Variants in PWWP2B observed in about 807,000 individuals in gnomAD.
The protein encoded by PWWP2B is PWWP domain containing 2B.
A neutral mutation model predicts 15.5 loss-of-function variants in PWWP2B; 9 were observed. That is an observed-to-expected ratio of 0.58 (90% CI 0.35 to 1.02). PWWP2B has a LOEUF of 1.02. PWWP2B is among the 50% of genes least tolerant of loss of function. The probability of loss-of-function intolerance (pLI) is 0.02; values close to 1 mark genes in which losing one functional copy is unlikely to be tolerated. For missense variants in PWWP2B, 864 were observed against 865.3 expected (o/e 1.00, Z 0.02); for synonymous variants, 474 against 403.6 (o/e 1.17, Z -2.09).
At chr10:132,411,616 C>T (rs1159089461) in intron 2 of PWWP2B, among the ~76,000 whole-genome samples, 4 of 152,212 alleles carry the variant, frequency 2.6e-5, no homozygotes, top group Non-Finnish European at 5.9e-5. Flanking sequence ...CAGCATGGGC[C>T]GCTTCCGACC....
chr10:132,416,369 G>A (rs1425972555), intron 2 of PWWP2B, among the ~76,000 whole-genome samples: 7 of 152,146 alleles, frequency 4.6e-5, no homozygotes, highest in African/African-American at 1.7e-4. Context: ...CTGTCTCTCT[G>A]TTTGTTGGAT....
chr10:132,415,328 CCCCA>C (rs2069831916), intron 2 of PWWP2B, among the ~76,000 whole-genome samples: 1 of 139,990 alleles, frequency 7.1e-6, no homozygotes, highest in African/African-American at 2.7e-5. Flanking sequence ...ACACACACCC[CCCCA>C]CACACATATC....
In PWWP2B at chr10:132,405,861, C is replaced by T. The variant is rs201866720; in HGVS notation, c.1361C>T (p.Ala454Val). Residue 454 changes from alanine to valine, a missense_variant, in exon 2 of 3, where the codon GCG becomes GTG. By Grantham distance (64) the Ala-to-Val change is moderately conservative (BLOSUM62 0). Around this residue, in one of 2 missense-constraint regions of PWWP2B, gnomAD observed 736 missense variants for 687.7 expected, o/e 1.07. Transcript: ENST00000305233. Reference sequence around the variant, plus strand: ...CTCTCGCCTGGCCACGGCGCGTCAGCGCCCTCGGTGTCCAGAGAGGCTCGC... The same window carrying T: ...CTCTCGCCTGGCCACGGCGCGTCAGTGCCCTCGGTGTCCAGAGAGGCTCGC... The part of the protein sequence containing the change: ...GDLSPGHGAS[A>V]PSVSREARQT... 94 of 1,611,348 alleles carry T rather than the reference C, an allele frequency of 5.8e-5. No homozygotes were observed. The highest frequency in any genetic ancestry group is 7.3e-5 in the Non-Finnish European group (86 of 1,179,244).
chr10:132,403,070 G>A (rs61865560), intron 1 of PWWP2B, among the ~76,000 whole-genome samples: 4,791 of 152,354 alleles, frequency 0.031, 134 homozygotes, highest in Admixed American at 0.099. Context: ...GCTGCTGCAG[G>A]GCTCAGTGAG....
chr10:132,405,633 C>G lies in PWWP2B; in HGVS notation c.1133C>G (p.Ala378Gly). The G allele has an allele frequency of 6.2e-7, 1 of 1,612,298 alleles. No individual in the cohort carries two copies. The highest frequency in any genetic ancestry group is 8.5e-7 in the Non-Finnish European group (1 of 1,179,866). ...GCGGACGGCCCTGCCGGTGGGCTGG[C>G]GGACTTGTCTTCTGGAAGTTCGGGT... ...PCADGPAGGL[A>G]DLSSGSSGED... The change falls in exon 2 of 3, where the codon GCG becomes GGG. Residue 378 changes from alanine to glycine, a missense_variant. Transcript: ENST00000305233.
chr10:132,397,247 C>T lies in PWWP2B; in HGVS notation c.21C>T (p.Cys7=). ...GGAGCATGGAGCCGCGCGCCGGCTGCCGGCTGCCGGTGCGGGTGGAGCAGG... is the reference window on the plus strand; with the variant it reads ...GGAGCATGGAGCCGCGCGCCGGCTGTCGGCTGCCGGTGCGGGTGGAGCAGG... MEPRAG[C]RLPVRVEQVV... The change falls in exon 1 of 3, where the codon TGC becomes TGT. Residue 7 remains cysteine, a synonymous_variant. Coordinates refer to ENST00000305233, the MANE Select transcript of PWWP2B (RefSeq NM_138499.4). The T allele has an allele frequency of 2.4e-6, 3 of 1,271,522 alleles. No homozygotes were observed. Among genetic ancestry groups the T allele is most frequent in the East Asian group, 3.4e-5 (1 of 29,704 alleles). The allele number at this position is 1,271,522 out of a possible 1,614,324, so 78.8% of individuals were successfully genotyped here. A position where few individuals can be genotyped will look rare whatever the true frequency, so the allele number is the denominator to read the frequency against.
chr10:132,401,156 T>G lies in PWWP2B; in HGVS notation c.126-3470T>G, dbSNP rs531400976. Among the ~76,000 whole-genome samples, 196 of 152,316 alleles carry G rather than the reference T, an allele frequency of 1.3e-3. 2 individuals are homozygous for G. Among genetic ancestry groups the G allele is most frequent in the Non-Finnish European group, 4.0e-4 (27 of 68,008 alleles). On this transcript the variant is annotated intron_variant, in intron 1 of 2. Transcript: ENST00000305233. ...GTCTGGCTGAGGACCTCAGGCCTGG[T>G]CTCCAGGGCCCCCGTGTCCTTGCCA...
Position 132,408,786 on chromosome 10 carries a change from C to G in PWWP2B, c.*16+2497C>G, listed in dbSNP as rs368528070. ...ATCTACCCATGAGAGACCCCTCACT[C>G]TCTCTCAGCTTGCTGCGGGGCTGGA... On this transcript the variant is annotated intron_variant, in intron 2 of 2. Coordinates refer to ENST00000305233, the MANE Select transcript of PWWP2B (RefSeq NM_138499.4). 1.6e-4 allele frequency among the ~76,000 whole-genome samples: 25 copies of G among 152,346 alleles called. No individual in the cohort carries two copies. In the South Asian group the frequency reaches 2.1e-3, roughly 13 times the overall value.
In PWWP2B at chr10:132,404,639, G is replaced by A; in HGVS notation, c.139G>A (p.Gly47Ser). The change falls in exon 2 of 3, where the codon GGC (glycine) becomes AGC (serine). Residue 47 changes from glycine to serine, a missense_variant. Physicochemically the swap from Gly to Ser is moderately conservative, Grantham distance 56. This residue lies in a region of PWWP2B where 736 missense variants were observed against 687.7 expected (regional missense o/e 1.07). Transcript: ENST00000305233. ...CTCCATTGCCAGGTCCGGCCTCTTT[G>A]GCCTACCCCCGTTGGCTCCGCTGCC... ...LDCTKKSGLFGLPPLAPLPQV... is the reference protein window; with the variant it reads ...LDCTKKSGLFSLPPLAPLPQV... 1 of 1,612,810 alleles carries A rather than the reference G, an allele frequency of 6.2e-7. No individual in the cohort carries two copies.
chr10:132,403,471 G>T (rs2133150328), intron 1 of PWWP2B, among the ~76,000 whole-genome samples: 1 of 152,328 alleles, frequency 6.6e-6, no homozygotes, highest in East Asian at 1.9e-4. Flanking sequence ...AGCGTTCGCA[G>T]AACTGTTTTC....
chr10:132,398,548 C>G (rs2069568580), intron 1 of PWWP2B, among the ~76,000 whole-genome samples: 1 of 152,264 alleles, frequency 6.6e-6, no homozygotes, highest in Admixed American at 6.5e-5. Context: ...CCTTTCCTCC[C>G]TGAAGAGGGG....
chr10:132,407,825 T>C (rs894987168), intron 2 of PWWP2B, among the ~76,000 whole-genome samples: 3 of 152,138 alleles, frequency 2.0e-5, no homozygotes, highest in Non-Finnish European at 4.4e-5. Flanking sequence ...GGGGAGTGTC[T>C]CAAGCCAGGG....
At chr10:132,409,491 C>A (rs1023083238) in intron 2 of PWWP2B, among the ~76,000 whole-genome samples, 1 of 152,146 alleles carries the variant, frequency 6.6e-6, no homozygotes, top group Non-Finnish European at 1.5e-5. Flanking sequence ...GCCACCCACA[C>A]CCCCACCACC....
chr10:132,397,250 G>T lies in PWWP2B; in HGVS notation c.24G>T (p.Arg8=). MEPRAGC[R]LPVRVEQVVN... is the part of the protein sequence containing the mutation. ...GCATGGAGCCGCGCGCCGGCTGCCG[G>T]CTGCCGGTGCGGGTGGAGCAGGTCG... The change falls in exon 1 of 3, where the codon CGG becomes CGT. Residue 8 remains arginine, a synonymous_variant. Coordinates refer to ENST00000305233, the MANE Select transcript of PWWP2B (RefSeq NM_138499.4). 1 of 1,286,028 alleles carries T rather than the reference G, an allele frequency of 7.8e-7. No individual in the cohort carries two copies. The highest frequency in any genetic ancestry group is 2.3e-5 in the South Asian group (1 of 43,290). 79.7% of individuals were successfully genotyped at this position (1,286,028 alleles called of 1,614,324 possible). A position where few individuals can be genotyped will look rare whatever the true frequency, so the allele number is the denominator to read the frequency against.
intron 1 of PWWP2B, among the ~76,000 whole-genome samples, chr10:132,400,150 G>A (rs767304351): frequency 3.3e-5 from 5 of 152,174 alleles, no homozygotes; most frequent in South Asian, 2.1e-4. Context: ...ACAACCAAGC[G>A]GGGGAGCACC....
chr10:132,415,930 C>T (rs1380479202), intron 2 of PWWP2B, among the ~76,000 whole-genome samples: 2 of 151,924 alleles, frequency 1.3e-5, no homozygotes, highest in African/African-American at 4.8e-5. Flanking sequence ...GAGAAAGAAT[C>T]CCCTCTTACA....
chr10:132,407,949 G>A (rs2069722615), intron 2 of PWWP2B, among the ~76,000 whole-genome samples: 2 of 152,374 alleles, frequency 1.3e-5, no homozygotes, highest in East Asian at 1.9e-4. Flanking sequence ...CCCCCACGCA[G>A]GACGTCTCCA....
At chr10:132,403,963 C>T (rs2069645097) in intron 1 of PWWP2B, among the ~76,000 whole-genome samples, 1 of 151,072 alleles carries the variant, frequency 6.6e-6, no homozygotes, top group African/African-American at 2.4e-5. Context: ...ACCCCAGACA[C>T]ACGTCATGCA....
In PWWP2B at chr10:132,397,308, G is replaced by A; in HGVS notation, c.82G>A (p.Gly28Ser). 5 of 1,431,580 alleles carry A rather than the reference G, an allele frequency of 3.5e-6. No homozygotes were observed. Among genetic ancestry groups the A allele is most frequent in the South Asian group, 1.5e-5 (1 of 66,412 alleles). The allele number at this position is 1,431,580 out of a possible 1,614,324, so 88.7% of individuals were successfully genotyped here. The change falls in exon 1 of 3, where the codon GGC becomes AGC. Residue 28 changes from glycine to serine, a missense_variant. By Grantham distance (56) the Gly-to-Ser change is moderately conservative. This residue lies in a region of PWWP2B where 736 missense variants were observed against 687.7 expected (regional missense o/e 1.07). Coordinates refer to ENST00000305233, the MANE Select transcript of PWWP2B (RefSeq NM_138499.4). ...NGALVVTVSC[G>S]ERSFAGILLD... Reference sequence around the variant, plus strand: ...CGCGCTGGTGGTCACGGTGAGCTGCGGCGAGCGGAGCTTCGCGGGGATCCT... The same window carrying A: ...CGCGCTGGTGGTCACGGTGAGCTGCAGCGAGCGGAGCTTCGCGGGGATCCT...
Sources: gnomAD v4.1 joint callset for allele counts (sites outside exome capture counted in the v4.1 genomes callset) on GRCh38, gnomAD v4.1.1 for gene constraint, gnomAD v4.1.1 regional missense constraint, MANE v1.5 for transcripts, NCBI Gene and HGNC (gene_info 2026-07-23, HGNC 2026-07-21) for gene names.